MYOM1: variants seen among roughly 807,000 people sequenced by gnomAD.
MYOM1 encodes the protein myomesin 1, also known as myomesin-1.
MYOM1 carries 164 observed loss-of-function variants against 205.3 expected under a neutral mutation model. The ratio of observed to expected loss-of-function variants is 0.80; its 90% confidence interval spans 0.70 to 0.91. The LOEUF is 0.91. Among genes scored for constraint, MYOM1 ranks in the 40% least tolerant of loss-of-function variants. MYOM1 has a pLI of 0.00. For missense variants in MYOM1, 2,011 were observed against 2,127.3 expected (o/e 0.95, Z 1.08); for synonymous variants, 772 against 789.4 (o/e 0.98, Z 0.37).
At chr18:3,122,990 TA>T (rs1253673478) in intron 19 of MYOM1, among the ~76,000 whole-genome samples, 2 of 151,010 alleles carry the variant, frequency 1.3e-5, no homozygotes, top group East Asian at 1.9e-4. Flanking sequence ...ATCACCACTT[TA>T]AAAAAAAAGA....
At chr18:3,104,779 G>A (rs1267560646) in intron 22 of MYOM1, among the ~76,000 whole-genome samples, 4 of 141,774 alleles carry the variant, frequency 2.8e-5, no homozygotes, top group African/African-American at 5.3e-5. Context: ...TTGAGACAGG[G>A]TCTCACTCTG....
intron 13 of MYOM1, among the ~76,000 whole-genome samples, chr18:3,147,172 T>A (rs1040015996): frequency 7.8e-6 from 1 of 128,238 alleles, no homozygotes; most frequent in Admixed American, 7.9e-5. Context: ...TATATATATA[T>A]AAAAAGTCAG....
intron 18 of MYOM1, among the ~76,000 whole-genome samples, chr18:3,128,107 T>G (rs546531419): frequency 3.3e-5 from 5 of 152,330 alleles, no homozygotes; most frequent in Admixed American, 3.3e-4. Context: ...ATCTCATTCT[T>G]ACCCAAAAAG....
At chr18:3,231,851 T>TC in the MYOM1 span, among the ~76,000 whole-genome samples, 2 of 116,400 alleles carry the variant, frequency 1.7e-5, no homozygotes, top group East Asian at 8.0e-4. Context: ...CGCATCCTTT[T>TC]TTTTTTTTTT....
intron 2 of MYOM1, among the ~76,000 whole-genome samples, chr18:3,210,102 T>C (rs1387156940): frequency 1.3e-5 from 2 of 152,168 alleles, no homozygotes; most frequent in African/African-American, 2.4e-5. Context: ...TTTACAGAAA[T>C]AGATATGTAG....
At chr18:3,105,578 G>C (rs2143775557) in intron 22 of MYOM1, among the ~76,000 whole-genome samples, 1 of 152,272 alleles carries the variant, frequency 6.6e-6, no homozygotes, top group East Asian at 1.9e-4. Flanking sequence ...ATCCTGGCCA[G>C]GCATGGTGGC....
chr18:3,137,980 T>C (rs2079994204), intron 14 of MYOM1, among the ~76,000 whole-genome samples: 3 of 152,210 alleles, frequency 2.0e-5, no homozygotes, highest in South Asian at 4.1e-4. Flanking sequence ...ATGTTCTCTT[T>C]TTTTGCCCAA....
intron 36 of MYOM1, among the ~76,000 whole-genome samples, chr18:3,072,263 C>G (rs2143625077): frequency 6.7e-6 from 1 of 149,940 alleles, no homozygotes; most frequent in East Asian, 2.0e-4. Context: ...CTTGGCCAGG[C>G]TGGTCTTGAA....
chr18:3,167,260 G>A (rs1260902980), intron 9 of MYOM1, among the ~76,000 whole-genome samples: 2 of 152,186 alleles, frequency 1.3e-5, no homozygotes, highest in African/African-American at 4.8e-5. Flanking sequence ...TTGACTGTGT[G>A]ATTTGGGGCA....
intron 37 of MYOM1, among the ~76,000 whole-genome samples, chr18:3,070,535 T>C (rs2078947374): frequency 2.6e-5 from 4 of 152,170 alleles, no homozygotes; most frequent in Admixed American, 2.6e-4. Context: ...CTGTATCTAG[T>C]TAAATGAAAG....
rs1598740630 is a variant in MYOM1 at position 3,170,413 on chromosome 18, C to T, written c.1175-1432G>A. Among the ~76,000 whole-genome samples, 3 of 152,088 alleles carry T rather than the reference C, an allele frequency of 2.0e-5. No homozygotes were observed. The South Asian group carries it at 6.2e-4, about 32-fold the overall frequency. On this transcript the variant is annotated intron_variant, in intron 8 of 37. Transcript: ENST00000356443. ...TCAATATGTACAACTACTATGTATC[C>T]ATAAAAATAAAAATAATTTTAAATT...
intron 2 of MYOM1, among the ~76,000 whole-genome samples, chr18:3,204,886 T>C (rs562447986): frequency 2.0e-5 from 3 of 152,180 alleles, no homozygotes; most frequent in African/African-American, 7.2e-5. Context: ...GGGAACAGAA[T>C]TGATAGTCCA....
chr18:3,075,762 C>T lies in MYOM1; in HGVS notation c.4649-1G>A. 1.3e-6 allele frequency: 2 copies of T among 1,584,026 alleles called. No individual in the cohort carries two copies. The highest frequency in any genetic ancestry group is 1.7e-6 in the Non-Finnish European group (2 of 1,163,774). On this transcript the variant is annotated splice_acceptor_variant, in intron 34 of 37. Coordinates refer to ENST00000356443, the MANE Select transcript of MYOM1 (RefSeq NM_003803.4). LOFTEE classifies it high-confidence loss of function. ...AATTCAGCATAGGCCTCATCGTATG[C>T]TTTAAAAGAAAAAAGAAAAGTTAGA...
At chr18:3,117,947 A>G (rs1462068308) in intron 20 of MYOM1, among the ~76,000 whole-genome samples, 4 of 152,182 alleles carry the variant, frequency 2.6e-5, no homozygotes, top group Non-Finnish European at 5.9e-5. Context: ...GGGCTTTTAT[A>G]ACCATGATCT....
At chr18:3,227,226 G>C in the MYOM1 span, among the ~76,000 whole-genome samples, 2 of 151,194 alleles carry the variant, frequency 1.3e-5, no homozygotes, top group Non-Finnish European at 2.9e-5. Context: ...TTGATTTTAA[G>C]ATATAATTAG....
Position 3,205,968 on chromosome 18 carries a change from G to A in MYOM1, c.290+8966C>T, listed in dbSNP as rs748984778. On this transcript the variant is annotated intron_variant, in intron 2 of 37. Coordinates refer to ENST00000356443, the MANE Select transcript of MYOM1 (RefSeq NM_003803.4). ...AACCCTTGTCTTCTGAGAGCTTTAC[G>A]GTCTAGTAAGGGAGCAAATATATTA... 5.9e-5 allele frequency among the ~76,000 whole-genome samples: 9 copies of A among 152,076 alleles called. No homozygotes were observed. In the East Asian group the frequency reaches 7.7e-4, roughly 13 times the overall value.
intron 19 of MYOM1, among the ~76,000 whole-genome samples, chr18:3,122,809 A>G (rs781320531): frequency 3.3e-5 from 5 of 152,230 alleles, no homozygotes; most frequent in Non-Finnish European, 7.3e-5. Flanking sequence ...ATAGACCCCA[A>G]AAATGTTTTT....
In MYOM1 at chr18:3,122,617, C is replaced by G. The variant is rs574895300; in HGVS notation, c.2992-2622G>C. Among the ~76,000 whole-genome samples, 4 of 152,204 alleles carry G rather than the reference C, an allele frequency of 2.6e-5. No individual in the cohort carries two copies. In the South Asian group the frequency reaches 8.3e-4, roughly 32 times the overall value. The stretch of plus-strand genomic sequence containing the variant: ...ATTCTAGTCTCAGAATAATCTCACT[C>G]ATGAACATAGAAGCAAAAATCCTAA... On this transcript the variant is annotated intron_variant, in intron 19 of 37. Transcript: ENST00000356443.
At chr18:3,102,694 AC>A in intron 22 of MYOM1, 64 bp from the exon 23 acceptor site, 1 of 1,536,286 alleles carries the variant, frequency 6.5e-7, no homozygotes, top group Non-Finnish European at 8.8e-7. Context: ...AGAATTTGTT[AC>A]CTTGAGATTC....
Sources: allele counts gnomAD v4.1 joint callset (sites outside exome capture counted in the v4.1 genomes callset), GRCh38; gene constraint gnomAD v4.1.1; transcripts MANE v1.5; gene names NCBI Gene and HGNC (gene_info 2026-07-23, HGNC 2026-07-21).